LIMCH1: variants seen among roughly 807,000 people sequenced by gnomAD.
LIMCH1 encodes LIM and calponin homology domains 1, also known as LIM and calponin homology domains-containing protein 1.
Under a neutral mutation model 176.5 loss-of-function variants are expected in LIMCH1, and 113 were observed. The observed-to-expected ratio is 0.64, with a 90% CI of 0.55 to 0.75. LIMCH1 has a LOEUF of 0.75. LIMCH1 is among the 30% of genes least tolerant of loss of function. LIMCH1 has a pLI of 0.00. For missense variants in LIMCH1, 1,674 were observed against 1,814.9 expected, an observed-to-expected ratio of 0.92 and a Z score of 1.41; for synonymous variants, 619 against 645.9, an observed-to-expected ratio of 0.96 and a Z score of 0.63.
intron 8 of LIMCH1, among the ~76,000 whole-genome samples, chr4:41,627,523 C>A (rs757641916): frequency 2.6e-5 from 4 of 152,198 alleles, no homozygotes; most frequent in Non-Finnish European, 5.9e-5. Flanking sequence ...AGCAACATCA[C>A]CTAGACAAAT....
rs1231315016 is a variant in LIMCH1 at position 41,685,739 on chromosome 4, C to T, written c.3997C>T (p.Pro1333Ser). Residue 1333 changes from proline to serine, a missense_variant, in exon 28 of 32, where the codon CCA becomes TCA. By Grantham distance (74) the Pro-to-Ser change is moderately conservative (BLOSUM62 -1). This residue lies in a region of LIMCH1 where 1,015 missense variants were observed against 1,102.5 expected (regional missense o/e 0.92). Transcript: ENST00000503057. ...DPSQNQQTSN[P>S]THSSEDVKPK... ...ATCCCAGAATCAGCAGACATCAAATCCAACGCACAGTTCAGAAGATGTGAA... is the reference window on the plus strand; with the variant it reads ...ATCCCAGAATCAGCAGACATCAAATTCAACGCACAGTTCAGAAGATGTGAA... 1 of 1,613,506 alleles carries T rather than the reference C, an allele frequency of 6.2e-7. No individual in the cohort carries two copies. Among genetic ancestry groups the T allele is most frequent in the African/African-American group, 1.3e-5 (1 of 74,888 alleles).
chr4:41,639,722 TA>T (rs1003425280), intron 14 of LIMCH1, among the ~76,000 whole-genome samples: 21 of 151,736 alleles, frequency 1.4e-4, no homozygotes, highest in East Asian at 1.9e-4. Context: ...AACTTTTTTT[TA>T]TTTGCAAAAT....
At chr4:41,452,050 G>A (rs1416046452) in intron 1 of LIMCH1, among the ~76,000 whole-genome samples, 3 of 152,054 alleles carry the variant, frequency 2.0e-5, no homozygotes, top group South Asian at 2.1e-4. Context: ...CTTAGTCCCC[G>A]CTTGGCTCTT....
At chr4:41,629,796 C>A in intron 9 of LIMCH1, 62 bp downstream of exon 9, 5 of 1,425,320 alleles carry the variant, frequency 3.5e-6, no homozygotes, top group African/African-American at 1.5e-5. Flanking sequence ...TTGAAGGCAT[C>A]AAATGCTTAT....
At chr4:41,688,635 A>G (rs774104576) in intron 29 of LIMCH1, among the ~76,000 whole-genome samples, 10 of 152,166 alleles carry the variant, frequency 6.6e-5, no homozygotes, top group Non-Finnish European at 1.5e-4. Flanking sequence ...TTTCTCAGAC[A>G]TTTGGCATCA....
In LIMCH1 at chr4:41,629,668, C is replaced by T. The variant is rs543172439; in HGVS notation, c.1205C>T (p.Thr402Met). ...APHREPPSFITLSNITEADLE... is the reference protein window; with the variant it reads ...APHREPPSFIMLSNITEADLE... ...CACCGCGAGCCCCCGAGCTTCATTACGCTCTCCAACATAACAGAAGCTGAC... is the reference window on the plus strand; with the variant it reads ...CACCGCGAGCCCCCGAGCTTCATTATGCTCTCCAACATAACAGAAGCTGAC... The change falls in exon 9 of 32, where the codon ACG (threonine) becomes ATG (methionine). Residue 402 changes from threonine (T) to methionine (M), a missense_variant. Thr to Met is a moderately conservative substitution (Grantham distance 81, BLOSUM62 -1). Transcript: ENST00000503057. 289 of 1,536,080 alleles carry T rather than the reference C, an allele frequency of 1.9e-4. 3 individuals carry two copies. In the South Asian group the frequency reaches 2.8e-3, roughly 15 times the overall value.
chr4:41,689,692 T>C (rs77420897), intron 30 of LIMCH1, 57 bp downstream of exon 30: 102,692 of 1,111,732 alleles, frequency 0.092, 5,811 homozygotes, highest in Non-Finnish European at 0.11. Flanking sequence ...TTTGGCATCG[T>C]TCCGTGCTGA....
chr4:41,599,090 T>G, intron 2 of LIMCH1, 64 bp downstream of exon 2: 1 of 972,450 alleles, frequency 1.0e-6, no homozygotes, highest in South Asian at 1.4e-5. Context: ...AATTTTGTGA[T>G]GATGTTGTAA....
intron 1 of LIMCH1, among the ~76,000 whole-genome samples, chr4:41,585,260 T>G (rs2086234388): frequency 6.6e-6 from 1 of 152,240 alleles, no homozygotes; most frequent in African/African-American, 2.4e-5. Flanking sequence ...TCTATGAATT[T>G]GACTACTCTA....
intron 1 of LIMCH1, among the ~76,000 whole-genome samples, chr4:41,384,076 A>G (rs958629794): frequency 5.3e-5 from 8 of 152,312 alleles, no homozygotes; most frequent in African/African-American, 1.7e-4. Context: ...TATGGCTAAA[A>G]AGGTTGTTAG....
intron 1 of LIMCH1, among the ~76,000 whole-genome samples, chr4:41,462,052 T>C (rs2065437757): frequency 6.6e-6 from 1 of 152,160 alleles, no homozygotes; most frequent in African/African-American, 2.4e-5. Context: ...TCTGCAAAGT[T>C]CTCTTTGTAT....
At chr4:41,651,670 T>C (rs1320573266) in intron 18 of LIMCH1, among the ~76,000 whole-genome samples, 1 of 152,216 alleles carries the variant, frequency 6.6e-6, no homozygotes, top group Non-Finnish European at 1.5e-5. Flanking sequence ...AATCTAGCTT[T>C]CCATCCCCGG....
chr4:41,661,508 C>T lies in LIMCH1; in HGVS notation c.3125C>T (p.Ser1042Leu), dbSNP rs2094617229. ...SRKGNIELAS[S>L]EPQHFTTTVT... is the part of the protein sequence containing the mutation. ...AAAGGGAATATAGAACTTGCCTCAT[C>T]AGGTTTGTTTCATAAGAGACTAGTT... Residue 1042 changes from serine (S) to leucine (L), a missense_variant and splice_region_variant, in exon 19 of 32, where the codon TCA becomes TTA. Ser to Leu is a moderately radical substitution (Grantham distance 145, BLOSUM62 -2). This residue lies in a region of LIMCH1 where 1,015 missense variants were observed against 1,102.5 expected (regional missense o/e 0.92). Transcript: ENST00000503057. 1.2e-6 allele frequency: 2 copies of T among 1,600,078 alleles called. No homozygotes were observed. The highest frequency in any genetic ancestry group is 2.2e-5 in the East Asian group (1 of 44,664).
At chr4:41,671,692 G>T in intron 22 of LIMCH1, 98 bp downstream of exon 22, 3 of 924,000 alleles carry the variant, frequency 3.2e-6, no homozygotes, top group Admixed American at 1.8e-5. Flanking sequence ...GGTGCAGGCG[G>T]TGGCTCACGC....
At chr4:41,514,327 G>A (rs1583356136) in intron 2 of LIMCH1, among the ~76,000 whole-genome samples, 1 of 152,148 alleles carries the variant, frequency 6.6e-6, no homozygotes, top group Non-Finnish European at 1.5e-5. Flanking sequence ...GAGGTGGAAG[G>A]TACAGTCTCT....
intron 20 of LIMCH1, among the ~76,000 whole-genome samples, chr4:41,664,156 C>T (rs10006144): frequency 0.27 from 41,732 of 152,148 alleles, 6,068 homozygotes; most frequent in Non-Finnish European, 0.31. Context: ...TAATGGGCCA[C>T]CACTACGGAC....
intron 1 of LIMCH1, among the ~76,000 whole-genome samples, chr4:41,542,086 C>A (rs781266434): frequency 2.0e-5 from 3 of 152,052 alleles, no homozygotes; most frequent in African/African-American, 7.2e-5. Context: ...GGAGCTCTGA[C>A]CATAGAGCTT....
chr4:41,684,458 C>T lies in LIMCH1; in HGVS notation c.3907C>T (p.His1303Tyr). The change falls in exon 27 of 32, where the codon CAT (histidine) becomes TAT (tyrosine). Residue 1303 changes from histidine (H) to tyrosine (Y), a missense_variant. By Grantham distance (83) the His-to-Tyr change is moderately conservative. Transcript: ENST00000503057. ...NPVSKGVHED[H>Y]QLDTEAGAPH... is the part of the protein sequence containing the mutation. ...TGTATCAAAAGGAGTCCATGAAGAC[C>T]ATCAGCTGGATACCGAGGCTGGGGC... 6.2e-7 allele frequency: 1 copy of T among 1,613,716 alleles called. No individual in the cohort carries two copies. Among genetic ancestry groups the T allele is most frequent in the South Asian group, 1.1e-5 (1 of 91,068 alleles).
At chr4:41,525,804 G>A (rs2076583836) in intron 3 of LIMCH1, among the ~76,000 whole-genome samples, 1 of 152,000 alleles carries the variant, frequency 6.6e-6, no homozygotes, top group Non-Finnish European at 1.5e-5. Flanking sequence ...TCTTCCAAAT[G>A]TTAAAGCCAA....
Sources: gnomAD v4.1 joint callset for allele counts (sites outside exome capture counted in the v4.1 genomes callset) on GRCh38, gnomAD v4.1.1 for gene constraint, gnomAD v4.1.1 regional missense constraint, MANE v1.5 for transcripts, NCBI Gene and HGNC (gene_info 2026-07-23, HGNC 2026-07-21) for gene names.